PPP1R36: variants seen among roughly 807,000 people sequenced by gnomAD.
PPP1R36 encodes the protein protein phosphatase 1 regulatory subunit 36, also known as chromosome 14 open reading frame 50.
PPP1R36 carries 47 observed loss-of-function variants against 53.4 expected under a neutral mutation model. That is an observed-to-expected ratio of 0.88 (90% CI 0.70 to 1.12). The LOEUF (loss-of-function observed/expected upper bound fraction) is 1.12, where lower values mean the gene tolerates loss of function less well. Ranked by LOEUF, PPP1R36 falls within the 50% of genes most tolerant of loss-of-function variation. PPP1R36 has a pLI of 0.00. For synonymous variants in PPP1R36, 153 were observed against 170.5 expected, an observed-to-expected ratio of 0.90 and a Z score of 0.80; for missense variants, 456 against 513.9, an observed-to-expected ratio of 0.89 and a Z score of 1.09.
At chr14:64,550,752 T>C (rs575141557) in intron 1 of PPP1R36, among the ~76,000 whole-genome samples, 169 bp from the exon 2 acceptor site, 1 of 152,206 alleles carries the variant, frequency 6.6e-6, no homozygotes, top group Non-Finnish European at 1.5e-5. Context: ...GATTCTACAC[T>C]CTTACTGAAA....
At chr14:64,570,254 C>T (rs2080292474) in intron 7 of PPP1R36, among the ~76,000 whole-genome samples, 2 of 151,862 alleles carry the variant, frequency 1.3e-5, no homozygotes. Context: ...GAGGCCAAGG[C>T]GAGTGGATCA....
At chr14:64,558,384 C>T (rs559618217) in intron 3 of PPP1R36, among the ~76,000 whole-genome samples, 1 of 152,210 alleles carries the variant, frequency 6.6e-6, no homozygotes, top group Non-Finnish European at 1.5e-5. Flanking sequence ...TTGAGACCAG[C>T]CTGGGCAACA....
At chr14:64,566,706 C>T (rs1452477742) in intron 6 of PPP1R36, among the ~76,000 whole-genome samples, 3 of 152,218 alleles carry the variant, frequency 2.0e-5, no homozygotes, top group African/African-American at 4.8e-5. Flanking sequence ...TTGCACCCCT[C>T]CCCATTCCCT....
At chr14:64,587,870 T>C (rs923371669) in intron 10 of PPP1R36, among the ~76,000 whole-genome samples, 1 of 152,042 alleles carries the variant, frequency 6.6e-6, no homozygotes, top group Admixed American at 6.6e-5. Context: ...GTGATCCTCC[T>C]GTAGCTAGGA....
At chr14:64,573,753 A>T (rs2080320461) in intron 7 of PPP1R36, among the ~76,000 whole-genome samples, 1 of 151,572 alleles carries the variant, frequency 6.6e-6, no homozygotes, top group Non-Finnish European at 1.5e-5. Flanking sequence ...TCTCTACTAA[A>T]AATACAAAAA....
chr14:64,564,003 T>C (rs917154963), intron 3 of PPP1R36, among the ~76,000 whole-genome samples: 1 of 152,252 alleles, frequency 6.6e-6, no homozygotes, highest in Non-Finnish European at 1.5e-5. Context: ...TTATTTTCAA[T>C]GTCATAGCAA....
chr14:64,587,976 T>G, intron 10 of PPP1R36, 128 bp from the exon 11 acceptor site: 1 of 876,372 alleles, frequency 1.1e-6, no homozygotes, highest in Non-Finnish European at 1.7e-6. Context: ...ACTCCTGGGC[T>G]CAAGTGATCC....
Position 64,552,870 on chromosome 14 carries a change from GAGAC to G in PPP1R36, c.182+16_182+19del. 6.2e-7 allele frequency: 1 copy of G among 1,610,382 alleles called. No homozygotes were observed. The highest frequency in any genetic ancestry group is 1.1e-5 in the South Asian group (1 of 90,960). ...CTGAAACATCACCCTCAGTGAGTGTGAGACAGACAGTGAGATAGCTTTGGGATTA... is the reference window on the plus strand; with the variant it reads ...CTGAAACATCACCCTCAGTGAGTGTGAGACAGTGAGATAGCTTTGGGATTA... On this transcript the variant is annotated intron_variant, in intron 3 of 11. Transcript: ENST00000298705.
chr14:64,558,357 C>T (rs577230027), intron 3 of PPP1R36, among the ~76,000 whole-genome samples: 5 of 152,140 alleles, frequency 3.3e-5, no homozygotes, highest in Admixed American at 6.5e-5. Context: ...GGTTGAGGGT[C>T]GCTTGAACCC....
intron 8 of PPP1R36, among the ~76,000 whole-genome samples, chr14:64,581,383 G>A (rs1378675362): frequency 6.6e-6 from 1 of 152,170 alleles, no homozygotes; most frequent in Non-Finnish European, 1.5e-5. Flanking sequence ...CTTATCTGAG[G>A]TCTACATGCC....
At chr14:64,564,616 T>G (rs1436868790) in intron 3 of PPP1R36, 135 bp from the exon 4 acceptor site, 7 of 551,550 alleles carry the variant, frequency 1.3e-5, no homozygotes, top group Non-Finnish European at 1.9e-5. Context: ...CATATATAAA[T>G]AGATGAATTG....
chr14:64,576,441 G>A (rs181134142), intron 8 of PPP1R36, among the ~76,000 whole-genome samples: 9 of 152,164 alleles, frequency 5.9e-5, no homozygotes, highest in Non-Finnish European at 1.3e-4. Flanking sequence ...AGAGGCACAG[G>A]CATATGTTCT....
At chr14:64,565,530 C>A in intron 5 of PPP1R36, 76 bp downstream of exon 5, 1 of 1,419,634 alleles carries the variant, frequency 7.0e-7, no homozygotes, top group Non-Finnish European at 9.9e-7. Context: ...TAAACATCCG[C>A]CCATCTACAT....
chr14:64,551,446 G>A (rs913653376), intron 2 of PPP1R36, among the ~76,000 whole-genome samples: 4 of 152,034 alleles, frequency 2.6e-5, no homozygotes, highest in African/African-American at 7.3e-5. Context: ...ATCTCACAAG[G>A]TAAAATTACT....
chr14:64,588,858 C>G (rs573351848), intron 11 of PPP1R36, among the ~76,000 whole-genome samples: 4 of 152,238 alleles, frequency 2.6e-5, no homozygotes, highest in African/African-American at 4.8e-5. Flanking sequence ...CCGCGCCCAG[C>G]CTGTAACTGA....
intron 8 of PPP1R36, among the ~76,000 whole-genome samples, chr14:64,579,976 C>CAA (rs147983923): frequency 5.3e-5 from 8 of 150,468 alleles, no homozygotes; most frequent in South Asian, 2.1e-4. Context: ...TCTCAAAAAA[C>CAA]AAAAAAAACA....
At chr14:64,558,578 CA>C (rs2080177285) in intron 3 of PPP1R36, among the ~76,000 whole-genome samples, 1 of 151,122 alleles carries the variant, frequency 6.6e-6, no homozygotes, top group Admixed American at 6.6e-5. Context: ...GACCCTGCCT[CA>C]AAAAACAAAT....
chr14:64,574,668 G>C, intron 8 of PPP1R36, 79 bp downstream of exon 8: 1 of 1,447,968 alleles, frequency 6.9e-7, no homozygotes, highest in Non-Finnish European at 9.4e-7. Flanking sequence ...TTTGACTTTT[G>C]TTACCTTGAG....
At chr14:64,554,577 C>A (rs2140216209) in intron 3 of PPP1R36, among the ~76,000 whole-genome samples, 1 of 152,294 alleles carries the variant, frequency 6.6e-6, no homozygotes, top group Non-Finnish European at 1.5e-5. Flanking sequence ...AGAGACAGTG[C>A]TACTGGAGAC....
Sources: gnomAD v4.1 joint callset for allele counts (sites outside exome capture counted in the v4.1 genomes callset) on GRCh38, gnomAD v4.1.1 for gene constraint, MANE v1.5 for transcripts, NCBI Gene and HGNC (gene_info 2026-07-23, HGNC 2026-07-21) for gene names.